Variants in DMD observed in about 807,000 individuals in gnomAD.
DMD encodes mutant dystrophin.
A neutral mutation model predicts 330.1 loss-of-function variants in DMD; 63 were observed. The ratio of observed to expected loss-of-function variants is 0.19; its 90% confidence interval spans 0.16 to 0.24. The LOEUF is 0.24. Ranked by LOEUF, DMD falls within the 10% of genes least tolerant of loss-of-function variation. The pLI, the probability that DMD is intolerant of heterozygous loss-of-function variation, is 1.00. For missense variants in DMD, 3,344 were observed against 2,684.1 expected (o/e 1.25, Z -5.43); for synonymous variants, 1,223 against 959.8 (o/e 1.27, Z -5.07).
chrX:32,793,288 C>T (rs755919456), intron 7 of DMD, among the ~76,000 whole-genome samples: 5 of 110,142 alleles, frequency 4.5e-5, no homozygotes, highest in African/African-American at 6.6e-5. Context: ...ATGGCAAAAG[C>T]AGTGCTAAGG....
intron 49 of DMD, among the ~76,000 whole-genome samples, chrX:31,832,970 A>T (rs2093087489): frequency 9.0e-6 from 1 of 111,583 alleles, no homozygotes; most frequent in Non-Finnish European, 1.9e-5. Context: ...TAAAAATCAA[A>T]TAACAAATGG....
chrX:32,614,344 G>C lies in DMD; in HGVS notation c.1441C>G (p.Pro481Ala). The change falls in exon 12 of 79, where the codon CCT becomes GCT. Residue 481 changes from proline to alanine, a missense_variant. Pro to Ala is a conservative substitution (Grantham distance 27, BLOSUM62 -1). Transcript: ENST00000357033. ...TGGCGTTTTAGGTCTTCAAGATCAG[G>C]TCCAAGAGGCTCTTCCTCCATTTTC... ...TRKMEEEPLG[P>A]DLEDLKRQVQ... The C allele has an allele frequency of 8.3e-7, 1 of 1,208,136 alleles. No homozygotes were observed. The highest frequency in any genetic ancestry group is 1.1e-6 in the Non-Finnish European group (1 of 893,631).
intron 51 of DMD, among the ~76,000 whole-genome samples, chrX:31,739,079 G>A (rs1231338831): frequency 9.0e-6 from 1 of 111,674 alleles, no homozygotes; most frequent in Non-Finnish European, 1.9e-5. Flanking sequence ...TTAATTAAAA[G>A]AGTATAATTG....
chrX:32,497,069 T>C (rs2043564551), intron 19 of DMD, among the ~76,000 whole-genome samples: 1 of 111,806 alleles, frequency 8.9e-6, no homozygotes, highest in Non-Finnish European at 1.9e-5. Context: ...AGTTTTAGCT[T>C]TGAGATGAGC....
chrX:33,026,904 C>T (rs929547815), intron 1 of DMD, among the ~76,000 whole-genome samples: 2 of 112,013 alleles, frequency 1.8e-5, no homozygotes, highest in Non-Finnish European at 3.8e-5. Flanking sequence ...GTAATCCCAG[C>T]ACTTAGCATA....
chrX:32,763,670 A>G (rs939134329), intron 7 of DMD, among the ~76,000 whole-genome samples: 3 of 112,069 alleles, frequency 2.7e-5, no homozygotes, highest in Non-Finnish European at 1.9e-5. Context: ...TGGTCTACCA[A>G]CCTTATTGTC....
intron 43 of DMD, among the ~76,000 whole-genome samples, chrX:32,254,539 T>C (rs1187870684): frequency 8.9e-6 from 1 of 112,114 alleles, no homozygotes. Flanking sequence ...AAGTTCACAG[T>C]GTGTATGTTG....
At chrX:32,641,735 C>G (rs1472231778) in intron 11 of DMD, among the ~76,000 whole-genome samples, 1 of 110,853 alleles carries the variant, frequency 9.0e-6, no homozygotes, top group East Asian at 2.8e-4. Flanking sequence ...TATCATTTCT[C>G]TAATCGCTAA....
At chrX:32,268,023 C>A (rs1176989252) in intron 43 of DMD, among the ~76,000 whole-genome samples, 2 of 112,135 alleles carry the variant, frequency 1.8e-5, no homozygotes, top group Non-Finnish European at 3.8e-5. Flanking sequence ...GACACAGCCA[C>A]ACAAGCCTCA....
intron 48 of DMD, among the ~76,000 whole-genome samples, chrX:31,846,740 C>T (rs2093433981): frequency 9.0e-6 from 1 of 111,243 alleles, no homozygotes; most frequent in Non-Finnish European, 1.9e-5. Context: ...TCTCTATCCA[C>T]TCCATATTCT....
chrX:31,158,997 G>A (rs1226775675), intron 74 of DMD, among the ~76,000 whole-genome samples: 1 of 111,539 alleles, frequency 9.0e-6, no homozygotes, highest in African/African-American at 3.3e-5. Context: ...AGGGATTTTG[G>A]GAAAGAAAAT....
chrX:32,530,639 G>A (rs973010212), intron 17 of DMD, among the ~76,000 whole-genome samples: 1 of 111,960 alleles, frequency 8.9e-6, no homozygotes, highest in Non-Finnish European at 1.9e-5. Flanking sequence ...TACATTAGAG[G>A]AATTAGTTAT....
intron 63 of DMD, among the ~76,000 whole-genome samples, chrX:31,249,465 G>A (rs1339679140): frequency 2.7e-5 from 3 of 111,300 alleles, no homozygotes; most frequent in Non-Finnish European, 5.7e-5. Flanking sequence ...GGCTGGTCTC[G>A]AACTCCTGAC....
intron 25 of DMD, among the ~76,000 whole-genome samples, chrX:32,463,127 T>C (rs1451745132): frequency 8.9e-6 from 1 of 111,945 alleles, no homozygotes; most frequent in Non-Finnish European, 1.9e-5. Context: ...CCCATTATTA[T>C]TATACATTTA....
chrX:33,184,553 A>G (rs1478941562), intron 1 of DMD, among the ~76,000 whole-genome samples: 2 of 110,908 alleles, frequency 1.8e-5, no homozygotes, highest in African/African-American at 6.6e-5. Context: ...TTGAAAATGC[A>G]TTTTAACATG....
At chrX:32,453,382 A>C (rs2098341778) in intron 26 of DMD, among the ~76,000 whole-genome samples, 1 of 110,452 alleles carries the variant, frequency 9.1e-6, no homozygotes, top group Non-Finnish European at 1.9e-5. Flanking sequence ...TTTCTTCATT[A>C]TAGTTTTATA....
At chrX:31,480,747 A>G (rs1168098212) in intron 57 of DMD, among the ~76,000 whole-genome samples, 2 of 111,372 alleles carry the variant, frequency 1.8e-5, no homozygotes, top group East Asian at 5.6e-4. Context: ...GGCTCCCTCT[A>G]TTGAACTACC....
chrX:32,696,839 G>A (rs1390274306), intron 9 of DMD, among the ~76,000 whole-genome samples: 2 of 111,385 alleles, frequency 1.8e-5, no homozygotes, highest in Non-Finnish European at 3.8e-5. Flanking sequence ...CAGAATGAGA[G>A]AGAGTGAGAA....
At chrX:33,235,501 G>GT (rs1484395232) in intron 1 of DMD, among the ~76,000 whole-genome samples, 2 of 111,971 alleles carry the variant, frequency 1.8e-5, no homozygotes, top group Non-Finnish European at 3.8e-5. Context: ...GGGGTATCCT[G>GT]TTTTTTAATT....
Sources: gnomAD v4.1 joint callset for allele counts (sites outside exome capture counted in the v4.1 genomes callset) on GRCh38, gnomAD v4.1.1 for gene constraint, MANE v1.5 for transcripts, NCBI Gene and HGNC (gene_info 2026-07-23, HGNC 2026-07-21) for gene names.